The following NRG1 variants were observed in gnomAD, a reference collection of about 807,000 sequenced individuals.
The protein encoded by NRG1 is pro-neuregulin-1, membrane-bound isoform.
NRG1 carries 18 observed loss-of-function variants against 63.8 expected under a neutral mutation model. That is an observed-to-expected ratio of 0.28 (90% CI 0.19 to 0.42). The LOEUF is 0.42. NRG1 is among the 10% of genes least tolerant of loss of function. The pLI is 1.00. For missense variants in NRG1, 762 were observed against 814.7 expected (o/e 0.94, Z 0.79); for synonymous variants, 302 against 301.3 (o/e 1.00, Z -0.02).
At chr8:31,768,663 T>G (rs1818315597) in intron 1 of NRG1, among the ~76,000 whole-genome samples, 1 of 152,234 alleles carries the variant, frequency 6.6e-6, no homozygotes, top group East Asian at 1.9e-4. Flanking sequence ...GTGGAATTCC[T>G]TTAGACTCAG....
chr8:31,847,719 T>A (rs1339841617), intron 1 of NRG1, among the ~76,000 whole-genome samples: 1 of 152,254 alleles, frequency 6.6e-6, no homozygotes, highest in African/African-American at 2.4e-5. Flanking sequence ...CATTAACATG[T>A]GGCACCACTT....
intron 1 of NRG1, among the ~76,000 whole-genome samples, chr8:32,280,186 C>T (rs1286774966): frequency 6.6e-6 from 1 of 152,196 alleles, no homozygotes; most frequent in Non-Finnish European, 1.5e-5. Context: ...GTGTGAAGCT[C>T]GATAAATTCA....
At chr8:32,348,951 A>G (rs996863880) in intron 1 of NRG1, among the ~76,000 whole-genome samples, 2 of 152,220 alleles carry the variant, frequency 1.3e-5, no homozygotes, top group African/African-American at 2.4e-5. Context: ...ATGCAACTTT[A>G]TATCTTAGCA....
intron 1 of NRG1, among the ~76,000 whole-genome samples, chr8:32,209,081 A>G (rs893511055): frequency 3.9e-5 from 6 of 152,132 alleles, no homozygotes; most frequent in Non-Finnish European, 7.4e-5. Flanking sequence ...AAATAACTTA[A>G]CATCTCTGCT....
At chr8:31,989,110 A>G (rs1032463277) in intron 1 of NRG1, among the ~76,000 whole-genome samples, 2 of 151,588 alleles carry the variant, frequency 1.3e-5, no homozygotes, top group Non-Finnish European at 2.9e-5. Flanking sequence ...TTAGCTGGAC[A>G]TGGTGGTGTG....
intron 1 of NRG1, among the ~76,000 whole-genome samples, chr8:32,566,639 T>G (rs11775972): frequency 0.21 from 31,279 of 152,166 alleles, 3,910 homozygotes; most frequent in Admixed American, 0.33. Context: ...TTTTGTCAAA[T>G]TCTTTTAAGG....
intron 1 of NRG1, among the ~76,000 whole-genome samples, chr8:31,821,734 C>T (rs1234812520): frequency 1.3e-5 from 2 of 151,956 alleles, no homozygotes; most frequent in South Asian, 2.1e-4. Context: ...AAAAACACAG[C>T]GGGAATCCAA....
intron 1 of NRG1, among the ~76,000 whole-genome samples, chr8:31,950,119 CACTGAATCACTAGGGG>C (rs1803237031): frequency 6.6e-6 from 1 of 152,140 alleles, no homozygotes; most frequent in Non-Finnish European, 1.5e-5. Context: ...TAAAGAGACA[CACTGAATCACTAGGGG>C]ACATGTAATA....
intron 1 of NRG1, among the ~76,000 whole-genome samples, chr8:32,433,029 C>A (rs1818343445): frequency 6.6e-6 from 1 of 152,060 alleles, no homozygotes; most frequent in Non-Finnish European, 1.5e-5. Flanking sequence ...TGAGTGAGTG[C>A]CAAGAGGTGA....
chr8:32,336,425 G>A (rs1803277038), intron 1 of NRG1, among the ~76,000 whole-genome samples: 1 of 152,080 alleles, frequency 6.6e-6, no homozygotes, highest in Admixed American at 6.6e-5. Flanking sequence ...ACCTGAGGCT[G>A]TGAGGAAAAG....
intron 1 of NRG1, among the ~76,000 whole-genome samples, chr8:31,697,871 C>T (rs1810236686): frequency 1.3e-5 from 2 of 150,736 alleles, no homozygotes; most frequent in Admixed American, 6.7e-5. Flanking sequence ...TCCTTCCTTC[C>T]TTCCTTCTCT....
intron 1 of NRG1, among the ~76,000 whole-genome samples, chr8:31,679,557 G>A (rs1808099997): frequency 6.6e-6 from 1 of 152,064 alleles, no homozygotes; most frequent in African/African-American, 2.4e-5. Context: ...TACAAAATCA[G>A]TGAACTATGA....
chr8:32,773,225 C>G (rs553734044), intron 7 of NRG1, among the ~76,000 whole-genome samples: 1 of 152,136 alleles, frequency 6.6e-6, no homozygotes, highest in Non-Finnish European at 1.5e-5. Context: ...GGTGTTTCAT[C>G]TTTTCCATGA....
intron 5 of NRG1, among the ~76,000 whole-genome samples, chr8:32,667,630 G>A (rs562041589): frequency 1.3e-5 from 2 of 152,104 alleles, no homozygotes; most frequent in East Asian, 3.9e-4. Flanking sequence ...TTGTGAAGAT[G>A]CAGTAAGTGC....
intron 1 of NRG1, among the ~76,000 whole-genome samples, chr8:32,066,926 A>G (rs541786947): frequency 1.3e-5 from 2 of 151,906 alleles, no homozygotes; most frequent in African/African-American, 4.8e-5. Context: ...TTGGATTCCT[A>G]GGTATTTTAT....
At chr8:32,152,998 G>C (rs1323092074) in intron 1 of NRG1, among the ~76,000 whole-genome samples, 1 of 152,208 alleles carries the variant, frequency 6.6e-6, no homozygotes, top group Non-Finnish European at 1.5e-5. Flanking sequence ...AAGGCATACT[G>C]TATTATGCCT....
intron 1 of NRG1, among the ~76,000 whole-genome samples, chr8:32,460,737 A>G (rs185483515): frequency 6.6e-6 from 1 of 152,352 alleles, no homozygotes; most frequent in East Asian, 1.9e-4. Context: ...ACAATACAGC[A>G]AAAAGTGAGA....
At chr8:32,156,945 A>T (rs772136914) in intron 1 of NRG1, among the ~76,000 whole-genome samples, 5 of 152,168 alleles carry the variant, frequency 3.3e-5, no homozygotes, top group Non-Finnish European at 5.9e-5. Context: ...TCTTAAAAAA[A>T]GTTCTAGGAT....
At chr8:32,536,351 T>C (rs1831964758) in intron 1 of NRG1, among the ~76,000 whole-genome samples, 1 of 152,142 alleles carries the variant, frequency 6.6e-6, no homozygotes, top group African/African-American at 2.4e-5. Flanking sequence ...CCTCAGGTCT[T>C]AGATGTGTGG....
Sources: allele counts gnomAD v4.1 joint callset (sites outside exome capture counted in the v4.1 genomes callset), GRCh38; gene constraint gnomAD v4.1.1; transcripts MANE v1.5; gene names NCBI Gene and HGNC (gene_info 2026-07-23, HGNC 2026-07-21).